The following ABHD2 variants were observed in gnomAD, a reference collection of about 807,000 sequenced individuals.
ABHD2 encodes the protein monoacylglycerol lipase ABHD2.
In ABHD2, 20 loss-of-function variants were observed where a neutral mutation model predicts 48.1. That is an observed-to-expected ratio of 0.42 (90% CI 0.29 to 0.60). The LOEUF (loss-of-function observed/expected upper bound fraction) is 0.60. Among genes scored for constraint, ABHD2 ranks in the 20% least tolerant of loss-of-function variants. The probability of loss-of-function intolerance (pLI) is 0.24; values close to 1 mark genes in which losing one functional copy is unlikely to be tolerated. For synonymous variants in ABHD2, 209 were observed against 214.2 expected (o/e 0.98, Z 0.21); for missense variants, 405 against 550.9 (o/e 0.74, Z 2.65).
intron 1 of ABHD2, among the ~76,000 whole-genome samples, chr15:89,112,961 C>A (rs187306855): frequency 1.3e-5 from 2 of 152,214 alleles, no homozygotes; most frequent in Non-Finnish European, 2.9e-5. Context: ...ATTAAATGAG[C>A]TACCATATGT....
the ABHD2 span, among the ~76,000 whole-genome samples, chr15:89,047,766 A>C: frequency 0.23 from 31,005 of 135,686 alleles, 3,968 homozygotes; most frequent in African/African-American, 0.31. Context: ...CTTCCTCCAT[A>C]CTTTTATTTT....
chr15:89,125,868 C>G (rs1596088050), intron 3 of ABHD2, among the ~76,000 whole-genome samples: 1 of 152,280 alleles, frequency 6.6e-6, no homozygotes, highest in East Asian at 1.9e-4. Context: ...CCTTCTCTAA[C>G]CTAGATACAG....
At chr15:89,075,254 G>T in the ABHD2 span, 5 of 152,202 alleles carry the variant, frequency 3.3e-5, no homozygotes, top group Non-Finnish European at 5.9e-5. The surrounding 1 kb of genome is among the most constrained non-coding windows in gnomAD (Gnocchi z 4.1). Flanking sequence ...CTGGCCCCCA[G>T]CACTCAGCCT....
chr15:89,158,703 TTTTTGTTTTG>T (rs766623321), intron 5 of ABHD2, among the ~76,000 whole-genome samples: 2 of 152,168 alleles, frequency 1.3e-5, no homozygotes, highest in Non-Finnish European at 2.9e-5. Context: ...AGGTTCATTC[TTTTTGTTTTG>T]TTTTGTTTTG....
intron 3 of ABHD2, among the ~76,000 whole-genome samples, chr15:89,117,182 T>C (rs1021053978): frequency 6.6e-6 from 1 of 152,192 alleles, no homozygotes; most frequent in African/African-American, 2.4e-5. Context: ...TGCTCCACCA[T>C]GCCCGGCTAA....
chr15:89,176,501 A>G lies in ABHD2; in HGVS notation c.722+506A>G, dbSNP rs971235067. On this transcript the variant is annotated intron_variant, in intron 6 of 10. Transcript: ENST00000352732. The surrounding 1 kb of genome is among the most constrained non-coding windows in gnomAD (Gnocchi z 4.5). ...TTTGTCTCTGTCAGGCATCCCAGGC[A>G]TCATCACAAAGGAGCTGATCTACTG... Among the ~76,000 whole-genome samples the G allele has an allele frequency of 2.0e-5, 3 of 152,166 alleles. No homozygotes were observed. Among genetic ancestry groups the G allele is most frequent in the Admixed American group, 6.5e-5 (1 of 15,284 alleles).
At chr15:89,058,805 C>T in the ABHD2 span, among the ~76,000 whole-genome samples, 4 of 152,266 alleles carry the variant, frequency 2.6e-5, no homozygotes, top group African/African-American at 7.2e-5. Context: ...TCTTTCAGCC[C>T]TCAACAATAT....
chr15:89,145,626 C>T (rs905541055), intron 3 of ABHD2, among the ~76,000 whole-genome samples: 1 of 152,192 alleles, frequency 6.6e-6, no homozygotes, highest in Admixed American at 6.5e-5. Context: ...AGCATTCATT[C>T]TTCCTTTCTA....
chr15:89,062,405 G>A, the ABHD2 span, among the ~76,000 whole-genome samples: 10 of 151,962 alleles, frequency 6.6e-5, no homozygotes, highest in African/African-American at 1.9e-4. Flanking sequence ...TGTTTTTTGA[G>A]ACAGGGTCTC....
intron 3 of ABHD2, among the ~76,000 whole-genome samples, chr15:89,124,735 C>T (rs1016868899): frequency 2.0e-5 from 3 of 152,094 alleles, no homozygotes; most frequent in Non-Finnish European, 2.9e-5. Context: ...GGGTGGATCA[C>T]GAGGTCAAGA....
Position 89,116,600 on chromosome 15 carries a change from CTCA to C in ABHD2, c.194+82_194+84del. 6.8e-7 allele frequency: 1 copy of C among 1,460,554 alleles called. No individual in the cohort carries two copies. The highest frequency in any genetic ancestry group is 2.3e-5 in the East Asian group (1 of 43,684). 90.5% of individuals were successfully genotyped at this position (1,460,554 alleles called of 1,614,324 possible). Reference sequence around the variant, plus strand: ...TGTGATGTTCAAAGAAGAAACTTCTCTCATCGTGTCCTTAAGGCATCAATGGGA... The same window carrying C: ...TGTGATGTTCAAAGAAGAAACTTCTCTCGTGTCCTTAAGGCATCAATGGGA... On this transcript the variant is annotated intron_variant, in intron 3 of 10. Coordinates refer to ENST00000352732, the MANE Select transcript of ABHD2 (RefSeq NM_152924.5). The surrounding 1 kb of genome is among the most constrained non-coding windows in gnomAD (Gnocchi z 4.6).
chr15:89,158,404 A>G (rs2050708829), intron 5 of ABHD2, among the ~76,000 whole-genome samples: 1 of 152,238 alleles, frequency 6.6e-6, no homozygotes, highest in Non-Finnish European at 1.5e-5. Context: ...GCTGTAGGCC[A>G]AAGAGACCAG....
At position 89,197,416 on chromosome 15, in the gene ABHD2, T is replaced by A. The variant is rs1482752429; in HGVS notation, c.*1993T>A. On this transcript the variant is annotated 3_prime_UTR_variant, in exon 11 of 11. Coordinates refer to ENST00000352732, the MANE Select transcript of ABHD2 (RefSeq NM_152924.5). The surrounding 1 kb of genome is among the most constrained non-coding windows in gnomAD (Gnocchi z 4.4). ...AAGTTAGCCCCTCTCCTCTGTTACT[T>A]TTCCCTTCACCCAACTACAGCTGTG... The A allele has an allele frequency of 6.6e-6, 1 of 152,664 alleles. No individual in the cohort carries two copies. Among genetic ancestry groups the A allele is most frequent in the Non-Finnish European group, 1.5e-5 (1 of 68,050 alleles). The allele number at this position is 152,664 out of a possible 1,614,324, so 9.5% of individuals were successfully genotyped here. A position where few individuals can be genotyped will look rare whatever the true frequency, so the allele number is the denominator to read the frequency against.
At chr15:89,067,228 TCAAA>T in the ABHD2 span, among the ~76,000 whole-genome samples, 1 of 151,996 alleles carries the variant, frequency 6.6e-6, no homozygotes, top group East Asian at 1.9e-4. Flanking sequence ...TTATTGGTGA[TCAAA>T]CAAAGAAGCA....
Position 89,193,200 on chromosome 15 carries a change from C to G in ABHD2, c.997-35C>G, listed in dbSNP as rs751336494. The G allele has an allele frequency of 1.9e-6, 3 of 1,595,752 alleles. No individual in the cohort carries two copies. In the Admixed American group the frequency reaches 5.0e-5, roughly 27 times the overall value. On this transcript the variant is annotated intron_variant, in intron 9 of 10. Transcript: ENST00000352732. The stretch of plus-strand genomic sequence containing the variant: ...ATCGATGGGGTCTGAAAATGGGAAT[C>G]AGTAGTTTAATTCTGCTTTATGTTC...
chr15:89,201,175 G>C lies in ABHD2; in HGVS notation c.*5752G>C. 6.8e-7 allele frequency: 1 copy of C among 1,466,886 alleles called. No homozygotes were observed. The highest frequency in any genetic ancestry group is 9.5e-7 in the Non-Finnish European group (1 of 1,048,174). The allele number at this position is 1,466,886 out of a possible 1,614,324, so 90.9% of individuals were successfully genotyped here. A position where few individuals can be genotyped will look rare whatever the true frequency, so the allele number is the denominator to read the frequency against. On this transcript the variant is annotated 3_prime_UTR_variant, in exon 11 of 11. Coordinates refer to ENST00000352732, the MANE Select transcript of ABHD2 (RefSeq NM_152924.5). ...TGACATCTCTGAAGGATGCAGTTGA[G>C]GTTGATCCAGGTTTATCCGAATATG...
chr15:89,118,393 G>A (rs1445430586), intron 3 of ABHD2, among the ~76,000 whole-genome samples: 1 of 152,036 alleles, frequency 6.6e-6, no homozygotes, highest in Non-Finnish European at 1.5e-5. Context: ...TGGCCAGGCT[G>A]GTCTTGAACT....
rs1293562857 is a variant in ABHD2, at chr15:89,202,177, T to C, written c.*6754T>C. On this transcript the variant is annotated 3_prime_UTR_variant, in exon 11 of 11. Coordinates refer to ENST00000352732, the MANE Select transcript of ABHD2 (RefSeq NM_152924.5). ...CAATTTTTTCTAAATATGGGGATATTTACCTTTATTAAGAAATTATACTAA... is the reference window on the plus strand; with the variant it reads ...CAATTTTTTCTAAATATGGGGATATCTACCTTTATTAAGAAATTATACTAA... 1 of 165,246 alleles carries C rather than the reference T, an allele frequency of 6.1e-6. No homozygotes were observed. The highest frequency in any genetic ancestry group is 1.8e-4 in the East Asian group (1 of 5,514). The allele number at this position is 165,246 out of a possible 1,614,324, so 10.2% of individuals were successfully genotyped here. A position where few individuals can be genotyped will look rare whatever the true frequency, so the allele number is the denominator to read the frequency against.
intron 1 of ABHD2, among the ~76,000 whole-genome samples, chr15:89,108,349 C>A (rs576710307): frequency 4.6e-5 from 7 of 152,334 alleles, no homozygotes; most frequent in Admixed American, 2.0e-4. Flanking sequence ...GTCTCCACTT[C>A]CATCTTCACG....
Sources: gnomAD v4.1 joint callset for allele counts (sites outside exome capture counted in the v4.1 genomes callset) on GRCh38, gnomAD v4.1.1 for gene constraint, Gnocchi (gnomAD v3.1) non-coding constraint, MANE v1.5 for transcripts, NCBI Gene and HGNC (gene_info 2026-07-23, HGNC 2026-07-21) for gene names.